Variants in ANKRD30B observed in about 807,000 individuals in gnomAD.
ANKRD30B encodes ankyrin repeat domain-containing protein 30B.
A neutral mutation model predicts 202.2 loss-of-function variants in ANKRD30B; 144 were observed. The observed-to-expected ratio is 0.71, with a 90% confidence interval of 0.62 to 0.82. The LOEUF is 0.82. Ranked by LOEUF, ANKRD30B falls within the 40% of genes least tolerant of loss-of-function variation. The pLI is 0.00. For synonymous variants in ANKRD30B, 508 were observed against 561.3 expected (o/e 0.91, Z 1.34); for missense variants, 1,487 against 1,669.1 (o/e 0.89, Z 1.90).
Position 14,796,409 on chromosome 18 carries a change from A to G in ANKRD30B, c.1921A>G (p.Lys641Glu). The stretch of plus-strand genomic sequence containing the variant: ...AGAATTAAAGGACAGAGAAACATTC[A>G]AAGCAGGTAAATTTTGTAATTTAAC... ...ALELKDRETF[K>E]AESPDKDGLL... Residue 641 changes from lysine (K) to glutamate (E), a missense_variant, in exon 18 of 44, where the codon AAA (lysine) becomes GAA (glutamate). Coordinates refer to ENST00000690538, the MANE Select transcript of ANKRD30B (RefSeq NM_001367607.2). The G allele has an allele frequency of 1.3e-6, 2 of 1,548,202 alleles. No homozygotes were observed. Among genetic ancestry groups the G allele is most frequent in the Non-Finnish European group, 1.7e-6 (2 of 1,146,980 alleles).
At chr18:14,930,062 A>G in the ANKRD30B span, among the ~76,000 whole-genome samples, 1 of 152,160 alleles carries the variant, frequency 6.6e-6, no homozygotes. Context: ...GCCATGTTAG[A>G]TGAATGTATT....
At chr18:14,919,889 C>T in the ANKRD30B span, among the ~76,000 whole-genome samples, 2 of 152,148 alleles carry the variant, frequency 1.3e-5, no homozygotes, top group Non-Finnish European at 2.9e-5. Flanking sequence ...GAAGTGGGGG[C>T]TAGAACAGGG....
At chr18:14,770,907 T>A (rs901203704) in intron 8 of ANKRD30B, among the ~76,000 whole-genome samples, 1 of 152,132 alleles carries the variant, frequency 6.6e-6, no homozygotes, top group Non-Finnish European at 1.5e-5. Context: ...CAAGAGTGGC[T>A]TAGAGCCCCT....
At chr18:14,831,588 A>T in intron 34 of ANKRD30B, 133 bp downstream of exon 34, 1 of 520,926 alleles carries the variant, frequency 1.9e-6, no homozygotes, top group Non-Finnish European at 3.4e-6. Context: ...ACATAAAAAC[A>T]TTTTATAGAA....
downstream of ANKRD30B, among the ~76,000 whole-genome samples, chr18:14,855,815 G>T (rs552219862): frequency 1.8e-3 from 266 of 146,396 alleles, no homozygotes; most frequent in African/African-American, 6.2e-3. Context: ...TCATTTCCCA[G>T]ACGGGGTGGC....
intron 42 of ANKRD30B, among the ~76,000 whole-genome samples, chr18:14,853,212 A>G (rs1971959310): frequency 6.6e-6 from 1 of 152,070 alleles, no homozygotes; most frequent in Non-Finnish European, 1.5e-5. Flanking sequence ...CCACAGAAAG[A>G]TGATTGTAGC....
At chr18:14,773,457 T>C (rs192189600) in intron 9 of ANKRD30B, among the ~76,000 whole-genome samples, 2 of 152,310 alleles carry the variant, frequency 1.3e-5, no homozygotes, top group Admixed American at 1.3e-4. Flanking sequence ...ATATATCTTA[T>C]AATTAAATCT....
At chr18:14,841,126 C>T (rs1294492601) in intron 37 of ANKRD30B, among the ~76,000 whole-genome samples, 4 of 152,208 alleles carry the variant, frequency 2.6e-5, no homozygotes, top group Non-Finnish European at 5.9e-5. Flanking sequence ...TCTTGTCTTT[C>T]TCACTGGTGG....
chr18:14,787,316 G>T (rs943775525), intron 15 of ANKRD30B, among the ~76,000 whole-genome samples: 1 of 152,026 alleles, frequency 6.6e-6, no homozygotes, highest in East Asian at 1.9e-4. Context: ...TTAAGAAGCC[G>T]GTGTGGTATA....
At position 14,751,547 on chromosome 18, in the gene ANKRD30B, G is replaced by T. The variant is rs1598556210; in HGVS notation, c.222-1019G>T. 3.9e-5 allele frequency among the ~76,000 whole-genome samples: 6 copies of T among 152,050 alleles called. No homozygotes were observed. The East Asian group carries it at 9.7e-4, about 25-fold the overall frequency. ...CGAGTAAAAGATAACTACCAACCAG[G>T]TTTTGGAAATTTATAACAGCTCTAA... is the stretch of plus-strand genomic sequence containing the variant. On this transcript the variant is annotated intron_variant, in intron 1 of 43. Coordinates refer to ENST00000690538, the MANE Select transcript of ANKRD30B (RefSeq NM_001367607.2).
At chr18:14,763,558 G>A (rs59703909) in intron 6 of ANKRD30B, 128 bp from the exon 7 acceptor site, 2 of 1,340,212 alleles carry the variant, frequency 1.5e-6, no homozygotes, top group South Asian at 2.8e-5. Flanking sequence ...AAAAAAAAGA[G>A]AAGAGAGAAA....
chr18:14,931,060 G>A, the ANKRD30B span, among the ~76,000 whole-genome samples: 11 of 152,280 alleles, frequency 7.2e-5, no homozygotes, highest in East Asian at 3.9e-4. Context: ...TGGAGATTCC[G>A]TGATTGTGCT....
At chr18:14,938,840 T>C in the ANKRD30B span, among the ~76,000 whole-genome samples, 95,386 of 151,968 alleles carry the variant, frequency 0.63, 30,127 homozygotes, top group African/African-American at 0.7. Context: ...AAGATAAACT[T>C]GGATCAGACA....
chr18:14,876,338 A>C, the ANKRD30B span, among the ~76,000 whole-genome samples: 2 of 152,312 alleles, frequency 1.3e-5, no homozygotes, highest in Non-Finnish European at 1.5e-5. Context: ...TGAGTAAGTA[A>C]GTGCTAAGCT....
At chr18:14,834,548 C>A (rs899146325) in intron 34 of ANKRD30B, among the ~76,000 whole-genome samples, 5 of 151,832 alleles carry the variant, frequency 3.3e-5, no homozygotes, top group African/African-American at 1.2e-4. Context: ...ACATAGCCAG[C>A]TAATAAAAGA....
chr18:14,936,108 TC>T, the ANKRD30B span, among the ~76,000 whole-genome samples: 1 of 152,132 alleles, frequency 6.6e-6, no homozygotes, highest in Admixed American at 6.5e-5. Flanking sequence ...AAGGGAACAT[TC>T]CCAAATAGAG....
At chr18:14,758,954 A>G (rs1914826986) in intron 5 of ANKRD30B, among the ~76,000 whole-genome samples, 1 of 152,142 alleles carries the variant, frequency 6.6e-6, no homozygotes. Flanking sequence ...ATCTTTCCAA[A>G]GTTGTAGTGG....
At chr18:14,894,495 A>AT in the ANKRD30B span, among the ~76,000 whole-genome samples, 140 of 152,094 alleles carry the variant, frequency 9.2e-4, 2 homozygotes, top group Non-Finnish European at 1.8e-4. Context: ...AAAGTTTTGA[A>AT]GGGGTATATA....
the ANKRD30B span, among the ~76,000 whole-genome samples, chr18:14,880,318 G>A: frequency 6.6e-6 from 1 of 152,078 alleles, no homozygotes; most frequent in Non-Finnish European, 1.5e-5. Context: ...GTAATGTGAT[G>A]CCTCCAGGTT....
Sources: allele counts gnomAD v4.1 joint callset (sites outside exome capture counted in the v4.1 genomes callset), GRCh38; gene constraint gnomAD v4.1.1; transcripts MANE v1.5; gene names NCBI Gene and HGNC (gene_info 2026-07-23, HGNC 2026-07-21).